SLIT3: variants seen among roughly 807,000 people sequenced by gnomAD.
The protein encoded by SLIT3 is slit guidance ligand 3, also known as slit homolog 3 protein.
SLIT3 carries 68 observed loss-of-function variants against 184.0 expected under a neutral mutation model. The observed-to-expected ratio is 0.37, with a 90% CI of 0.30 to 0.45. The LOEUF is 0.45. SLIT3 is among the 20% of genes least tolerant of loss of function. The probability of loss-of-function intolerance (pLI) is 1.00; values close to 1 mark genes in which losing one functional copy is unlikely to be tolerated. For missense variants in SLIT3, 1,707 were observed against 2,026.0 expected (o/e 0.84, Z 3.02); for synonymous variants, 831 against 828.6 (o/e 1.00, Z -0.05).
At chr5:169,087,499 C>T (rs1436938238) in intron 4 of SLIT3, among the ~76,000 whole-genome samples, 1 of 152,172 alleles carries the variant, frequency 6.6e-6, no homozygotes, top group East Asian at 1.9e-4. Context: ...GGCCTCTGCA[C>T]ATTTGGGGAG....
chr5:169,040,673 A>T (rs908324947), intron 4 of SLIT3, among the ~76,000 whole-genome samples: 2 of 152,216 alleles, frequency 1.3e-5, no homozygotes, highest in African/African-American at 4.8e-5. Context: ...TCCCCTATGG[A>T]ACTGTCTTAC....
intron 4 of SLIT3, among the ~76,000 whole-genome samples, chr5:169,006,132 G>A (rs1464652012): frequency 6.6e-6 from 1 of 152,160 alleles, no homozygotes; most frequent in Non-Finnish European, 1.5e-5. Flanking sequence ...CTACCAAGTG[G>A]TAATGCCTGG....
chr5:169,177,647 G>T (rs112018305), intron 4 of SLIT3, among the ~76,000 whole-genome samples: 1 of 152,144 alleles, frequency 6.6e-6, no homozygotes, highest in African/African-American at 2.4e-5. Context: ...AAATACAAAG[G>T]CTCCTTATAA....
intron 6 of SLIT3, among the ~76,000 whole-genome samples, chr5:168,835,207 A>G (rs967977584): frequency 6.6e-6 from 1 of 152,170 alleles, no homozygotes; most frequent in East Asian, 1.9e-4. Flanking sequence ...TGAATTATAA[A>G]TTTTACATAA....
chr5:169,209,150 C>T (rs780093924), intron 3 of SLIT3, among the ~76,000 whole-genome samples: 1 of 152,140 alleles, frequency 6.6e-6, no homozygotes, highest in African/African-American at 2.4e-5. Flanking sequence ...AGGATATGGA[C>T]AGATACTTCT....
intron 4 of SLIT3, among the ~76,000 whole-genome samples, chr5:168,897,646 G>GCGCGCACACACA: frequency 1.3e-3 from 140 of 105,444 alleles, no homozygotes; most frequent in African/African-American, 5.8e-3. Context: ...ACAGGTGCAC[G>GCGCGCACACACA]TACACACACA....
chr5:168,793,161 T>C (rs1297025234), intron 10 of SLIT3, among the ~76,000 whole-genome samples: 1 of 152,210 alleles, frequency 6.6e-6, no homozygotes, highest in African/African-American at 2.4e-5. Flanking sequence ...GGAATGTTTT[T>C]TATACGAAGG....
chr5:168,968,022 C>T (rs1018656658), intron 4 of SLIT3, among the ~76,000 whole-genome samples: 3 of 152,224 alleles, frequency 2.0e-5, no homozygotes, highest in Non-Finnish European at 2.9e-5. Context: ...TTCCTCATGG[C>T]TCTCCCCAGG....
chr5:168,908,575 C>T (rs1176811751), intron 4 of SLIT3, among the ~76,000 whole-genome samples: 3 of 152,128 alleles, frequency 2.0e-5, no homozygotes, highest in Non-Finnish European at 4.4e-5. Context: ...ATTGATTGTT[C>T]CTGAGGTGGC....
intron 6 of SLIT3, among the ~76,000 whole-genome samples, chr5:168,841,470 G>C (rs892534135): frequency 6.6e-6 from 1 of 152,172 alleles, no homozygotes; most frequent in African/African-American, 2.4e-5. Context: ...TCCTGGAAAG[G>C]GGAGGGGATG....
rs1187447937 is a variant in SLIT3, at chr5:169,300,857, G to T, written c.-148C>A. On this transcript the variant is annotated 5_prime_UTR_variant, in exon 1 of 36. Transcript: ENST00000519560. The surrounding 1 kb of genome is among the most constrained non-coding windows in gnomAD (Gnocchi z 4.1). ...GGGCGAGCTCGGTGCTCAGGCGCAC[G>T]GGGCGCGGGCGGAGCGGGGCGCTCC... The T allele has an allele frequency of 7.8e-6, 6 of 771,420 alleles. No homozygotes were observed. Among genetic ancestry groups the T allele is most frequent in the Admixed American group, 4.7e-5 (1 of 21,220 alleles). The allele number at this position is 771,420 out of a possible 1,614,324, so 47.8% of individuals were successfully genotyped here.
chr5:168,934,390 C>T (rs1486650067), intron 4 of SLIT3, among the ~76,000 whole-genome samples: 1 of 152,180 alleles, frequency 6.6e-6, no homozygotes, highest in Non-Finnish European at 1.5e-5. Flanking sequence ...ATTTTCTCTG[C>T]AGGGGGTGGA....
chr5:168,760,406 G>T (rs1581049910), intron 16 of SLIT3, among the ~76,000 whole-genome samples: 2 of 152,318 alleles, frequency 1.3e-5, no homozygotes, highest in East Asian at 3.9e-4. Flanking sequence ...GTGGGAAGCT[G>T]CTGGCATGTT....
chr5:169,009,699 C>G (rs1011614517), intron 4 of SLIT3, among the ~76,000 whole-genome samples: 33 of 152,218 alleles, frequency 2.2e-4, no homozygotes, highest in African/African-American at 8.0e-4. Flanking sequence ...TGAGCATTCA[C>G]TGAGCACTTA....
intron 4 of SLIT3, among the ~76,000 whole-genome samples, chr5:169,183,085 A>G (rs946170805): frequency 6.6e-6 from 1 of 152,288 alleles, no homozygotes; most frequent in East Asian, 1.9e-4. Flanking sequence ...CTCAGGTTAG[A>G]CATTTCTGGG....
At chr5:168,885,837 G>A (rs374823972) in intron 4 of SLIT3, among the ~76,000 whole-genome samples, 7 of 152,336 alleles carry the variant, frequency 4.6e-5, no homozygotes, top group African/African-American at 1.2e-4. Flanking sequence ...TACACTGGGA[G>A]GAGTAGCAGT....
At chr5:169,289,259 T>G (rs1767259581) in intron 1 of SLIT3, among the ~76,000 whole-genome samples, 1 of 152,090 alleles carries the variant, frequency 6.6e-6, no homozygotes, top group Non-Finnish European at 1.5e-5. Context: ...CCACTTAGAA[T>G]CCCCATACTC....
rs574975757 is a variant in SLIT3 at position 168,905,395 on chromosome 5, G to T, written c.414-22059C>A. Among the ~76,000 whole-genome samples, 6 of 152,262 alleles carry T rather than the reference G, an allele frequency of 3.9e-5. No individual in the cohort carries two copies. The East Asian group carries it at 9.7e-4, about 25-fold the overall frequency. ...GTGCAGCCTTCTTCTTTTGAAAATT[G>T]TTTTTTCATTATCAAGATATCCTTA... On this transcript the variant is annotated intron_variant, in intron 4 of 35. Coordinates refer to ENST00000519560, the MANE Select transcript of SLIT3 (RefSeq NM_003062.4).
intron 14 of SLIT3, among the ~76,000 whole-genome samples, chr5:168,771,833 T>A (rs1445429063): frequency 6.6e-6 from 1 of 152,158 alleles, no homozygotes; most frequent in Non-Finnish European, 1.5e-5. Context: ...ACGCTGGCAT[T>A]CTCCCCGGGA....
Sources: allele counts gnomAD v4.1 joint callset (sites outside exome capture counted in the v4.1 genomes callset), GRCh38; gene constraint gnomAD v4.1.1; non-coding constraint Gnocchi (gnomAD v3.1); transcripts MANE v1.5; gene names NCBI Gene and HGNC (gene_info 2026-07-23, HGNC 2026-07-21).